ZDHHC14: variants seen among roughly 807,000 people sequenced by gnomAD.
The protein encoded by ZDHHC14 is zDHHC palmitoyltransferase 14.
Under a neutral mutation model 47.7 loss-of-function variants are expected in ZDHHC14, and 16 were observed. That is an observed-to-expected ratio of 0.34 (90% CI 0.23 to 0.51). The LOEUF (loss-of-function observed/expected upper bound fraction) is 0.51. ZDHHC14 is among the 20% of genes least tolerant of loss of function. The pLI is 0.97. For synonymous variants in ZDHHC14, 293 were observed against 278.9 expected, an observed-to-expected ratio of 1.05 and a Z score of -0.50; for missense variants, 515 against 662.5, an observed-to-expected ratio of 0.78 and a Z score of 2.44.
intron 1 of ZDHHC14, among the ~76,000 whole-genome samples, chr6:157,403,198 C>G (rs1777679788): frequency 6.6e-6 from 1 of 152,216 alleles, no homozygotes; most frequent in South Asian, 2.1e-4. Flanking sequence ...GAATTTCTAA[C>G]AAGCACTCTT....
At chr6:157,448,406 C>T (rs1269334293) in intron 1 of ZDHHC14, among the ~76,000 whole-genome samples, 2 of 152,162 alleles carry the variant, frequency 1.3e-5, no homozygotes, top group African/African-American at 4.8e-5. Flanking sequence ...TCAGCAGCTT[C>T]ACAGATAATT....
intron 1 of ZDHHC14, among the ~76,000 whole-genome samples, chr6:157,479,906 A>G (rs1779581688): frequency 6.6e-6 from 1 of 152,206 alleles, no homozygotes; most frequent in Admixed American, 6.5e-5. Context: ...TCCCACCTCC[A>G]TGAGTGAAAG....
At chr6:157,608,906 A>G (rs932405513) in intron 3 of ZDHHC14, among the ~76,000 whole-genome samples, 10 of 152,310 alleles carry the variant, frequency 6.6e-5, no homozygotes, top group African/African-American at 2.4e-4. Context: ...GGAGACAGAA[A>G]GATGTGGATG....
At chr6:157,446,388 CT>C (rs940663293) in intron 1 of ZDHHC14, among the ~76,000 whole-genome samples, 4 of 151,024 alleles carry the variant, frequency 2.6e-5, no homozygotes, top group East Asian at 3.9e-4. Context: ...ATATCTCTTC[CT>C]TTTTTTTTGG....
intron 1 of ZDHHC14, among the ~76,000 whole-genome samples, chr6:157,508,598 C>G (rs550914091): frequency 6.6e-6 from 1 of 152,214 alleles, no homozygotes; most frequent in Non-Finnish European, 1.5e-5. Flanking sequence ...GTCTTGAACT[C>G]CTGGGCTCAA....
At chr6:157,471,492 A>G (rs1267006874) in intron 1 of ZDHHC14, among the ~76,000 whole-genome samples, 1 of 152,178 alleles carries the variant, frequency 6.6e-6, no homozygotes, top group African/African-American at 2.4e-5. Flanking sequence ...TTCACAGGGC[A>G]ATTCCAGCAT....
At chr6:157,426,738 C>G (rs1778229078) in intron 1 of ZDHHC14, among the ~76,000 whole-genome samples, 1 of 152,168 alleles carries the variant, frequency 6.6e-6, no homozygotes, top group Non-Finnish European at 1.5e-5. Context: ...GAGCTGGAAG[C>G]CGCACTAGGA....
chr6:157,478,267 A>C (rs1342112297), intron 1 of ZDHHC14, among the ~76,000 whole-genome samples: 2 of 152,206 alleles, frequency 1.3e-5, no homozygotes, highest in African/African-American at 4.8e-5. Context: ...ATTATGTATT[A>C]TTTGATAAAA....
intron 1 of ZDHHC14, among the ~76,000 whole-genome samples, chr6:157,407,375 G>A (rs1294575864): frequency 6.6e-6 from 1 of 151,866 alleles, no homozygotes; most frequent in Non-Finnish European, 1.5e-5. Context: ...GGAACCCTCT[G>A]CCTCCTAGGA....
At chr6:157,382,723 C>G (rs1777239696) in intron 1 of ZDHHC14, among the ~76,000 whole-genome samples, 1 of 152,212 alleles carries the variant, frequency 6.6e-6, no homozygotes, top group African/African-American at 2.4e-5. Context: ...TTCTTAAGCT[C>G]AGTTGACTGA....
At chr6:157,579,479 G>A (rs1386342860) in intron 2 of ZDHHC14, among the ~76,000 whole-genome samples, 1 of 152,106 alleles carries the variant, frequency 6.6e-6, no homozygotes, top group African/African-American at 2.4e-5. Flanking sequence ...TTACAGGCAT[G>A]AGCCACCATG....
chr6:157,492,370 C>T (rs1196476529), intron 1 of ZDHHC14, among the ~76,000 whole-genome samples: 3 of 152,154 alleles, frequency 2.0e-5, no homozygotes, highest in East Asian at 3.9e-4. Flanking sequence ...GCTGCCTGCC[C>T]GGCCTGCTCT....
chr6:157,514,973 G>A (rs188104164), intron 1 of ZDHHC14, among the ~76,000 whole-genome samples: 95 of 152,298 alleles, frequency 6.2e-4, no homozygotes, highest in Non-Finnish European at 1.2e-3. Flanking sequence ...TGTTTGCATC[G>A]GGGCCTTACA....
chr6:157,524,172 C>T (rs1283984684), intron 1 of ZDHHC14, among the ~76,000 whole-genome samples: 2 of 151,578 alleles, frequency 1.3e-5, no homozygotes. Context: ...CTTTGTTGCC[C>T]AGGCTGGAGT....
chr6:157,474,075 A>G (rs241580), intron 1 of ZDHHC14, among the ~76,000 whole-genome samples: 141,735 of 151,192 alleles, frequency 0.94, 66,458 homozygotes, highest in East Asian at 1. Flanking sequence ...TGCAGCCTCC[A>G]CCTCCCGGGT....
At chr6:157,609,034 C>T (rs1784656305) in intron 3 of ZDHHC14, among the ~76,000 whole-genome samples, 1 of 152,140 alleles carries the variant, frequency 6.6e-6, no homozygotes, top group South Asian at 2.1e-4. Context: ...GTTTTTTCCC[C>T]ATGCTACCAA....
intron 1 of ZDHHC14, among the ~76,000 whole-genome samples, chr6:157,444,972 A>G (rs1002543721): frequency 1.3e-5 from 2 of 151,982 alleles, no homozygotes; most frequent in Non-Finnish European, 2.9e-5. Context: ...TCAAAACATA[A>G]CAGGGATCCC....
chr6:157,464,117 G>A (rs947456475), intron 1 of ZDHHC14, among the ~76,000 whole-genome samples: 2 of 152,184 alleles, frequency 1.3e-5, no homozygotes, highest in Non-Finnish European at 2.9e-5. Context: ...TGTAATAGAA[G>A]TTCAGTCCAT....
chr6:157,453,927 GT>G (rs1461193642), intron 1 of ZDHHC14, among the ~76,000 whole-genome samples: 12 of 152,274 alleles, frequency 7.9e-5, no homozygotes, highest in African/African-American at 2.9e-4. Flanking sequence ...ATTGGCAGCT[GT>G]TGTTCAAAAC....
Sources: gnomAD v4.1 joint callset for allele counts (sites outside exome capture counted in the v4.1 genomes callset) on GRCh38, gnomAD v4.1.1 for gene constraint, MANE v1.5 for transcripts, NCBI Gene and HGNC (gene_info 2026-07-23, HGNC 2026-07-21) for gene names.